Variants in DNAAF9 observed in about 807,000 individuals in gnomAD.
DNAAF9 encodes dynein axonemal assembly factor 9, also known as shulin.
A neutral mutation model predicts 167.0 loss-of-function variants in DNAAF9; 90 were observed. That is an observed-to-expected ratio of 0.54 (90% confidence interval 0.45 to 0.64). The LOEUF is 0.64. Ranked by LOEUF, DNAAF9 falls within the 30% of genes least tolerant of loss-of-function variation. The pLI is 0.00. For missense variants in DNAAF9, 1,315 were observed against 1,442.2 expected, an observed-to-expected ratio of 0.91 and a Z score of 1.43; for synonymous variants, 491 against 508.8, an observed-to-expected ratio of 0.96 and a Z score of 0.47.
At chr20:3,370,714 G>A (rs994219555) in intron 6 of DNAAF9, among the ~76,000 whole-genome samples, 8 of 152,016 alleles carry the variant, frequency 5.3e-5, no homozygotes, top group African/African-American at 9.7e-5. Flanking sequence ...AGCCGTGCCC[G>A]ACTAATTTTT....
intron 25 of DNAAF9, among the ~76,000 whole-genome samples, chr20:3,293,514 G>C (rs2069004740): frequency 6.7e-6 from 1 of 150,228 alleles, no homozygotes; most frequent in Admixed American, 6.6e-5. Flanking sequence ...GTGAAACCCT[G>C]TCTCTACTAA....
intron 28 of DNAAF9, among the ~76,000 whole-genome samples, chr20:3,279,996 C>T (rs1236957638): frequency 6.6e-6 from 1 of 152,212 alleles, no homozygotes. Flanking sequence ...TATTTGATTT[C>T]TGACAACAGC....
At chr20:3,362,947 G>A (rs1365704064) in intron 6 of DNAAF9, among the ~76,000 whole-genome samples, 2 of 152,150 alleles carry the variant, frequency 1.3e-5, no homozygotes, top group Non-Finnish European at 2.9e-5. Flanking sequence ...GATTAATGCA[G>A]GCCAGGCACA....
intron 20 of DNAAF9, among the ~76,000 whole-genome samples, chr20:3,307,744 A>C (rs1018173292): frequency 6.6e-6 from 1 of 152,126 alleles, no homozygotes; most frequent in South Asian, 2.1e-4. Flanking sequence ...GAAGTCCAAC[A>C]AAAGAGGGAT....
chr20:3,318,019 T>C (rs1433880777), intron 17 of DNAAF9, among the ~76,000 whole-genome samples: 1 of 152,154 alleles, frequency 6.6e-6, no homozygotes, highest in Non-Finnish European at 1.5e-5. Context: ...CATTTTACTA[T>C]TGGGTAGCTT....
intron 20 of DNAAF9, among the ~76,000 whole-genome samples, chr20:3,308,502 T>C (rs1600753295): frequency 6.6e-6 from 1 of 151,034 alleles, no homozygotes; most frequent in East Asian, 2.0e-4. Context: ...GCCACCACGG[T>C]CCAGCTAATT....
chr20:3,284,066 T>C (rs913445485), intron 27 of DNAAF9, among the ~76,000 whole-genome samples: 2 of 152,028 alleles, frequency 1.3e-5, no homozygotes, highest in Non-Finnish European at 2.9e-5. Flanking sequence ...GGAATCCCTG[T>C]TAGAACCTCC....
At chr20:3,353,997 A>G (rs1467558086) in intron 7 of DNAAF9, among the ~76,000 whole-genome samples, 2 of 152,212 alleles carry the variant, frequency 1.3e-5, no homozygotes, top group African/African-American at 4.8e-5. Flanking sequence ...GCAAGATGCA[A>G]TGACTCTTAT....
intron 30 of DNAAF9, among the ~76,000 whole-genome samples, chr20:3,265,058 A>G (rs1183071840): frequency 6.6e-6 from 1 of 152,110 alleles, no homozygotes; most frequent in Non-Finnish European, 1.5e-5. Flanking sequence ...TCATGATCAC[A>G]TCCAAGGAAT....
chr20:3,351,040 T>C (rs2070312719), intron 7 of DNAAF9, among the ~76,000 whole-genome samples: 1 of 152,232 alleles, frequency 6.6e-6, no homozygotes, highest in South Asian at 2.1e-4. Flanking sequence ...TTAGACATTA[T>C]GTGCTTCTTG....
Position 3,252,613 on chromosome 20 carries a change from C to A in DNAAF9, c.3493G>T (p.Glu1165Ter). 6.2e-7 allele frequency: 1 copy of A among 1,612,902 alleles called. No homozygotes were observed. The highest frequency in any genetic ancestry group is 1.6e-4 in the Middle Eastern group (1 of 6,062). Reference sequence around the variant, plus strand: ...AAGAGGTCATGATACTCCTGCTGTTCCAGCTCCTGGTTATACTTCTCAATT... The same window carrying A: ...AAGAGGTCATGATACTCCTGCTGTTACAGCTCCTGGTTATACTTCTCAATT... ...REIEKYNQEL[E>*]QQEYHDLFEL... The change falls in exon 37 of 37, where the codon GAA becomes TAA. Residue 1165 changes from glutamate (E) to a stop codon, truncating the protein, a stop_gained. Transcript: ENST00000252032. LOFTEE classifies it high-confidence loss of function.
intron 3 of DNAAF9, among the ~76,000 whole-genome samples, chr20:3,379,151 T>C (rs2083613306): frequency 6.6e-6 from 1 of 151,806 alleles, no homozygotes; most frequent in African/African-American, 2.4e-5. Context: ...CCTCAAAGAA[T>C]TAGGATCCCG....
rs1327356472 is a variant in DNAAF9 at position 3,322,715 on chromosome 20, A to G, written c.1266-19T>C. ...CTTGGAGCTGTAGACCAGAAACAAA[A>G]CAAAAGAAAAATCAGTCTGCTCCTG... On this transcript the variant is annotated intron_variant, in intron 14 of 36. Transcript: ENST00000252032. 3.1e-6 allele frequency: 5 copies of G among 1,604,162 alleles called. No individual in the cohort carries two copies. The highest frequency in any genetic ancestry group is 4.3e-6 in the Non-Finnish European group (5 of 1,171,034).
At chr20:3,273,842 T>C (rs2068633482) in intron 29 of DNAAF9, among the ~76,000 whole-genome samples, 1 of 152,248 alleles carries the variant, frequency 6.6e-6, no homozygotes, top group Admixed American at 6.5e-5. Flanking sequence ...ACTGCAGTTA[T>C]CAGATTCTTA....
intron 1 of DNAAF9, among the ~76,000 whole-genome samples, chr20:3,396,010 G>T (rs192472297): frequency 1.3e-5 from 2 of 152,292 alleles, no homozygotes; most frequent in African/African-American, 2.4e-5. Flanking sequence ...AGTCCCATGA[G>T]ATCTGATGGT....
At chr20:3,271,363 C>T (rs138946840) in intron 29 of DNAAF9, among the ~76,000 whole-genome samples, 17 of 152,198 alleles carry the variant, frequency 1.1e-4, no homozygotes, top group African/African-American at 3.6e-4. Context: ...ATTTTAGTCA[C>T]GTGGTAAGAA....
At chr20:3,356,573 C>G (rs1269682571) in intron 7 of DNAAF9, among the ~76,000 whole-genome samples, 1 of 152,114 alleles carries the variant, frequency 6.6e-6, no homozygotes, top group Non-Finnish European at 1.5e-5. Flanking sequence ...GCCCTCTTTT[C>G]TCTTTTGAAA....
intron 7 of DNAAF9, among the ~76,000 whole-genome samples, chr20:3,358,841 A>G (rs1327259777): frequency 3.3e-5 from 5 of 152,096 alleles, no homozygotes; most frequent in Non-Finnish European, 7.4e-5. Flanking sequence ...ATGCATATCT[A>G]TCTATGGCCA....
At chr20:3,346,505 T>C (rs540004330) in intron 8 of DNAAF9, among the ~76,000 whole-genome samples, 1 of 152,192 alleles carries the variant, frequency 6.6e-6, no homozygotes, top group African/African-American at 2.4e-5. Context: ...CTTGAATATG[T>C]TTACTTTGTT....
Sources: allele counts gnomAD v4.1 joint callset (sites outside exome capture counted in the v4.1 genomes callset), GRCh38; gene constraint gnomAD v4.1.1; transcripts MANE v1.5; gene names NCBI Gene and HGNC (gene_info 2026-07-23, HGNC 2026-07-21).